Variants in AEBP2 observed in about 807,000 individuals in gnomAD.
The protein encoded by AEBP2 is AE binding protein 2, also known as zinc finger protein AEBP2.
AEBP2 carries 10 observed loss-of-function variants against 50.8 expected under a neutral mutation model. The observed-to-expected ratio is 0.20, with a 90% CI of 0.12 to 0.33. The LOEUF is 0.33. Among genes scored for constraint, AEBP2 ranks in the 10% least tolerant of loss-of-function variants. AEBP2 has a pLI of 1.00. For missense variants in AEBP2, 570 were observed against 688.0 expected, an observed-to-expected ratio of 0.83 and a Z score of 1.92; for synonymous variants, 296 against 261.3, an observed-to-expected ratio of 1.13 and a Z score of -1.28.
chr12:19,439,229 C>T (rs1565701423), upstream of AEBP2, among the ~76,000 whole-genome samples: 1 of 152,210 alleles, frequency 6.6e-6, no homozygotes, highest in Non-Finnish European at 1.5e-5. Context: ...CCTCAAACAC[C>T]CCCGGAATGA....
In AEBP2 at chr12:19,518,147, A is replaced by C. The variant is rs550295518; in HGVS notation, c.*30A>C. On this transcript the variant is annotated 3_prime_UTR_variant, in exon 8 of 8. Transcript: ENST00000266508. ...TAAATAAATACATAAAAAGCAAACA[A>C]GCGGGGACACCTGCAGTCTTAGTCA... 1 of 1,584,490 alleles carries C rather than the reference A, an allele frequency of 6.3e-7. No individual in the cohort carries two copies. Among genetic ancestry groups the C allele is most frequent in the Admixed American group, 1.8e-5 (1 of 56,846 alleles).
intron 1 of AEBP2, among the ~76,000 whole-genome samples, chr12:19,452,352 A>T (rs1592726608): frequency 6.6e-6 from 1 of 152,262 alleles, no homozygotes; most frequent in Non-Finnish European, 1.5e-5. Flanking sequence ...AATGCAGGAT[A>T]TATAGCAAAT....
At chr12:19,489,044 C>CT (rs1443186309) in intron 3 of AEBP2, among the ~76,000 whole-genome samples, 12 of 152,172 alleles carry the variant, frequency 7.9e-5, no homozygotes, top group African/African-American at 2.9e-4. Context: ...CTGCCTCGGC[C>CT]TGCCAGAGTG....
At position 19,412,442 on chromosome 12, in the gene AEBP2, G is replaced by A. The variant is rs566227662; in HGVS notation, c.-17+8226G>A. Among the ~76,000 whole-genome samples, 23 of 151,602 alleles carry A rather than the reference G, an allele frequency of 1.5e-4. 1 individual carries two copies. Among genetic ancestry groups the A allele is most frequent in the Admixed American group, 1.2e-3 (18 of 15,206 alleles). ...ATAGGCACACGCCACCACACCTAGC[G>A]AATTTTTTTGTATTTTTAGTAGAGA... On this transcript the variant is annotated intron_variant, in intron 1 of 3. Transcript: ENST00000538425.
At chr12:19,506,976 A>G (rs1390250685) in intron 5 of AEBP2, among the ~76,000 whole-genome samples, 1 of 152,060 alleles carries the variant, frequency 6.6e-6, no homozygotes, top group Non-Finnish European at 1.5e-5. Flanking sequence ...CAAGAGATCT[A>G]ATTTGGACAT....
At chr12:19,426,832 C>T (rs554563620) in intron 1 of AEBP2, among the ~76,000 whole-genome samples, 95 of 152,054 alleles carry the variant, frequency 6.2e-4, no homozygotes, top group Admixed American at 4.8e-3. Context: ...ACCCAAGAAG[C>T]GGAGGTTGCA....
Position 19,439,513 on chromosome 12 carries a change from A to T in AEBP2, c.-187A>T, listed in dbSNP as rs1373097663. On this transcript the variant is annotated 5_prime_UTR_variant, in exon 1 of 8. Transcript: ENST00000266508. ...CAGCAGTCTCCGTGTGAGTGCGCGT[A>T]GTCGCGCGCCTGTCCCCGCGCGGGC... is the stretch of plus-strand genomic sequence containing the variant. 6.6e-6 allele frequency among the ~76,000 whole-genome samples: 1 copy of T among 151,982 alleles called. No homozygotes were observed. Among genetic ancestry groups the T allele is most frequent in the Non-Finnish European group, 1.5e-5 (1 of 67,950 alleles).
Position 19,439,804 on chromosome 12 carries a change from C to G in AEBP2, c.105C>G (p.Pro35=). The part of the protein sequence containing the change: ...PGSAARGRAE[P]PEEEEEEEEE... ...CGGCGGCGCGGGGCCGGGCTGAGCC[C>G]CCCGAGGAGGAGGAGGAAGAGGAGG... Residue 35 remains proline (P), a synonymous_variant, in exon 1 of 8, where the codon CCC becomes CCG. Coordinates refer to ENST00000266508, the MANE Select transcript of AEBP2 (RefSeq NM_153207.5). 6.6e-7 allele frequency: 1 copy of G among 1,511,252 alleles called. No individual in the cohort carries two copies. Among genetic ancestry groups the G allele is most frequent in the Non-Finnish European group, 8.8e-7 (1 of 1,137,056 alleles). 93.6% of individuals were successfully genotyped at this position (1,511,252 alleles called of 1,614,324 possible).
chr12:19,519,170 C>T lies in AEBP2; in HGVS notation c.*1053C>T, dbSNP rs1368094522. On this transcript the variant is annotated 3_prime_UTR_variant, in exon 8 of 8. Transcript: ENST00000266508. Reference sequence around the variant, plus strand: ...TGTAACTTGTTAGTATTGTATTAAACAAATGTTGCATAGAGATAATAGAAC... The same window carrying T: ...TGTAACTTGTTAGTATTGTATTAAATAAATGTTGCATAGAGATAATAGAAC... 1 of 152,316 alleles carries T rather than the reference C, an allele frequency of 6.6e-6. No homozygotes were observed. Among genetic ancestry groups the T allele is most frequent in the African/African-American group, 2.4e-5 (1 of 41,348 alleles). 9.4% of individuals were successfully genotyped at this position (152,316 alleles called of 1,614,324 possible).
chr12:19,449,163 CAA>C (rs1236166171), intron 1 of AEBP2, among the ~76,000 whole-genome samples: 2 of 152,076 alleles, frequency 1.3e-5, no homozygotes, highest in African/African-American at 4.8e-5. Flanking sequence ...TATTTTTCCT[CAA>C]AATTTCCTTA....
intron 1 of AEBP2, among the ~76,000 whole-genome samples, chr12:19,459,309 G>A (rs950041370): frequency 6.6e-6 from 1 of 151,868 alleles, no homozygotes; most frequent in Non-Finnish European, 1.5e-5. Flanking sequence ...TGGGCTCACC[G>A]CAAGCTCTGC....
chr12:19,509,973 C>G (rs1434327980), intron 5 of AEBP2, among the ~76,000 whole-genome samples: 1 of 151,840 alleles, frequency 6.6e-6, no homozygotes, highest in Non-Finnish European at 1.5e-5. Context: ...GCTGGGATTA[C>G]TGACGTGCAC....
chr12:19,427,553 TG>T (rs979313442), intron 1 of AEBP2, among the ~76,000 whole-genome samples: 26 of 152,206 alleles, frequency 1.7e-4, no homozygotes, highest in African/African-American at 6.3e-4. Flanking sequence ...CCAGCTTTCC[TG>T]GTTCTCCAGC....
chr12:19,458,184 C>A (rs768123982), intron 1 of AEBP2, among the ~76,000 whole-genome samples: 1 of 152,180 alleles, frequency 6.6e-6, no homozygotes, highest in East Asian at 1.9e-4. Context: ...TCAGAAGTTA[C>A]CTGTCATTTG....
intron 1 of AEBP2, among the ~76,000 whole-genome samples, chr12:19,406,038 C>T (rs1012661640): frequency 6.6e-6 from 1 of 150,622 alleles, no homozygotes; most frequent in Non-Finnish European, 1.5e-5. Context: ...GCAATCTTGG[C>T]TCACTGCAAC....
intron 1 of AEBP2, among the ~76,000 whole-genome samples, chr12:19,404,436 A>G (rs1321681669): frequency 1.3e-5 from 2 of 152,104 alleles, no homozygotes; most frequent in Non-Finnish European, 2.9e-5. Context: ...TGAAAACTCA[A>G]CAGTTTTCTA....
chr12:19,451,619 C>A (rs1490700377), intron 1 of AEBP2, among the ~76,000 whole-genome samples: 1 of 152,026 alleles, frequency 6.6e-6, no homozygotes, highest in Admixed American at 6.6e-5. Flanking sequence ...TAATACAGAC[C>A]ACACCTATTA....
intron 5 of AEBP2, among the ~76,000 whole-genome samples, chr12:19,510,763 G>C (rs1417583278): frequency 6.6e-6 from 1 of 151,360 alleles, no homozygotes. Flanking sequence ...AGAACTTGTA[G>C]ACAATTGAAA....
chr12:19,440,688 A>G (rs1947940122), intron 1 of AEBP2: 1 of 1,533,118 alleles, frequency 6.5e-7, no homozygotes, highest in African/African-American at 1.4e-5. Context: ...CCTCTGGCGG[A>G]GCAGAAGAGG....
Sources: gnomAD v4.1 joint callset for allele counts (sites outside exome capture counted in the v4.1 genomes callset) on GRCh38, gnomAD v4.1.1 for gene constraint, MANE v1.5 for transcripts, NCBI Gene and HGNC (gene_info 2026-07-23, HGNC 2026-07-21) for gene names.